The following PUDP variants were observed in gnomAD, a reference collection of about 807,000 sequenced individuals.
PUDP encodes pseudouridine 5'-phosphatase.
In PUDP, 8 loss-of-function variants were observed where a neutral mutation model predicts 9.4. The observed-to-expected ratio is 0.85, with a 90% CI of 0.50 to 1.53. The LOEUF (loss-of-function observed/expected upper bound fraction) is 1.53. Among genes scored for constraint, PUDP ranks in the 40% most tolerant of loss-of-function variants. PUDP has a pLI of 0.00. For missense variants in PUDP, 188 were observed against 189.7 expected, an observed-to-expected ratio of 0.99 and a Z score of 0.05; for synonymous variants, 99 against 80.7, an observed-to-expected ratio of 1.23 and a Z score of -1.22.
At chrX:7,040,809 GCTGT>G (rs1431288765) in intron 1 of PUDP, among the ~76,000 whole-genome samples, 1 of 110,474 alleles carries the variant, frequency 9.1e-6, no homozygotes, top group Non-Finnish European at 1.9e-5. Context: ...GGGACATCAT[GCTGT>G]CTACTGTCAT....
At chrX:7,040,817 CT>C in intron 1 of PUDP, among the ~76,000 whole-genome samples, 1 of 110,736 alleles carries the variant, frequency 9.0e-6, no homozygotes, top group South Asian at 4.0e-4. Flanking sequence ...ATGCTGTCTA[CT>C]GTCATCCCCT....
intron 3 of PUDP, among the ~76,000 whole-genome samples, chrX:6,911,420 T>C (rs6639706): frequency 0.29 from 31,411 of 110,120 alleles, 3,493 homozygotes; most frequent in Admixed American, 0.4. Context: ...TCTCGAACTC[T>C]TGACCTCAAA....
chrX:7,027,872 A>C (rs1569142176), intron 1 of PUDP, among the ~76,000 whole-genome samples: 1 of 83,321 alleles, frequency 1.2e-5, no homozygotes, highest in African/African-American at 4.5e-5. Flanking sequence ...ATATATATAG[A>C]ATATATTATT....
chrX:7,064,444 G>A (rs1227086702), intron 3 of PUDP, among the ~76,000 whole-genome samples: 1 of 111,821 alleles, frequency 8.9e-6, no homozygotes, highest in Non-Finnish European at 1.9e-5. Context: ...TGGTTTCTCA[G>A]TATTAATACA....
At chrX:6,757,129 C>T (rs1233003616) in intron 3 of PUDP, among the ~76,000 whole-genome samples, 1 of 111,973 alleles carries the variant, frequency 8.9e-6, no homozygotes, top group Non-Finnish European at 1.9e-5. Flanking sequence ...CCCCAAGGAA[C>T]ACAAAAGTGG....
chrX:7,037,013 A>G (rs1375050600), intron 1 of PUDP, among the ~76,000 whole-genome samples: 3 of 111,847 alleles, frequency 2.7e-5, no homozygotes, highest in Non-Finnish European at 5.6e-5. Context: ...TCTCATCTTC[A>G]TAAATCATGT....
At chrX:6,713,234 T>C (rs1388071324) in intron 1 of PUDP, among the ~76,000 whole-genome samples, 1 of 111,895 alleles carries the variant, frequency 8.9e-6, no homozygotes, top group East Asian at 2.8e-4. Context: ...CTTTGTTTTT[T>C]TCCATTTGAA....
At position 6,990,256 on chromosome X, in the gene PUDP, C is replaced by T. The variant is rs186290398; in HGVS notation, c.205-11913G>A. Among the ~76,000 whole-genome samples the T allele has an allele frequency of 3.3e-4, 37 of 111,404 alleles. No homozygotes were observed. The Admixed American group carries it at 3.3e-3, about 10-fold the overall frequency. ...GCCTTTGCTTCTTCAAGAGCCCCTC[C>T]CTAACCCGAATGCCTCGATACTGAG... On this transcript the variant is annotated intron_variant and NMD_transcript_variant, in intron 1 of 3. Transcript: ENST00000655425.
chrX:7,080,876 G>A (rs1379671162), intron 2 of PUDP, among the ~76,000 whole-genome samples: 3 of 100,923 alleles, frequency 3.0e-5, no homozygotes, highest in Admixed American at 1.1e-4. Context: ...CCGACATAGC[G>A]CCACTGCACT....
chrX:6,836,651 C>T (rs1354512862), intron 3 of PUDP, among the ~76,000 whole-genome samples: 1 of 112,289 alleles, frequency 8.9e-6, no homozygotes, highest in East Asian at 2.8e-4. Flanking sequence ...AAAGGCTTTC[C>T]AATTTTAAAA....
rs188101430 is a variant in PUDP, at chrX:7,088,640, G to A, written c.281-11191C>T. ...ACTAGGACTTAAACAATAAAATGCC[G>A]TTTTATTAATAGCATGGGATACATG... On this transcript the variant is annotated intron_variant, in intron 2 of 3. Coordinates refer to ENST00000381077, the MANE Select transcript of PUDP (RefSeq NM_012080.5). Among the ~76,000 whole-genome samples, 18 of 112,025 alleles carry A rather than the reference G, an allele frequency of 1.6e-4. No homozygotes were observed. In the East Asian group the frequency reaches 4.2e-3, roughly 26 times the overall value.
chrX:6,751,490 C>T (rs963420389), intron 3 of PUDP, among the ~76,000 whole-genome samples: 1 of 111,571 alleles, frequency 9.0e-6, no homozygotes, highest in African/African-American at 3.3e-5. Flanking sequence ...TAGTAAACAC[C>T]CTGTTCATCA....
intron 3 of PUDP, among the ~76,000 whole-genome samples, chrX:7,062,339 C>T (rs1351135189): frequency 2.7e-5 from 3 of 111,487 alleles, no homozygotes; most frequent in Non-Finnish European, 5.6e-5. Flanking sequence ...GGACAGCAGT[C>T]CATTCACCAG....
chrX:7,081,089 G>A (rs1418414850), intron 2 of PUDP, among the ~76,000 whole-genome samples: 4 of 111,932 alleles, frequency 3.6e-5, no homozygotes, highest in African/African-American at 1.3e-4. Flanking sequence ...ACATGGCTCT[G>A]TAAAACACAC....
intron 1 of PUDP, among the ~76,000 whole-genome samples, chrX:7,109,066 GATTCC>G (rs1357096211): frequency 8.9e-6 from 1 of 111,881 alleles, no homozygotes; most frequent in Non-Finnish European, 1.9e-5. Context: ...AGGCTTCCTG[GATTCC>G]ATCCTGCACT....
intron 3 of PUDP, among the ~76,000 whole-genome samples, chrX:6,801,483 G>C (rs1925932234): frequency 8.9e-6 from 1 of 112,317 alleles, no homozygotes; most frequent in Admixed American, 9.4e-5. Context: ...GGGGAGAAAA[G>C]GCCAATGCTG....
At chrX:6,789,279 G>A (rs943639342) in intron 3 of PUDP, among the ~76,000 whole-genome samples, 1 of 88,779 alleles carries the variant, frequency 1.1e-5, no homozygotes, top group Non-Finnish European at 2.2e-5. Context: ...AACAGAGCAA[G>A]ACTCTGTCTC....
chrX:6,764,573 G>T (rs781275766), intron 3 of PUDP, among the ~76,000 whole-genome samples: 4 of 112,186 alleles, frequency 3.6e-5, no homozygotes, highest in Non-Finnish European at 7.5e-5. Context: ...TTGCATGTCA[G>T]AAACAGTGGG....
intron 2 of PUDP, among the ~76,000 whole-genome samples, chrX:7,077,910 G>C (rs1396674263): frequency 8.9e-6 from 1 of 112,529 alleles, no homozygotes. Context: ...CAAAAATGCT[G>C]TATTCTACAG....
Sources: gnomAD v4.1 joint callset for allele counts (sites outside exome capture counted in the v4.1 genomes callset) on GRCh38, gnomAD v4.1.1 for gene constraint, MANE v1.5 for transcripts, NCBI Gene and HGNC (gene_info 2026-07-23, HGNC 2026-07-21) for gene names.